NEB: variants seen among roughly 807,000 people sequenced by gnomAD.
NEB encodes the protein nemaline myopathy type 2.
Under a neutral mutation model 952.2 loss-of-function variants are expected in NEB, and 512 were observed. The ratio of observed to expected loss-of-function variants is 0.54; its 90% CI spans 0.50 to 0.58. The LOEUF (loss-of-function observed/expected upper bound fraction) is 0.58. Among genes scored for constraint, NEB ranks in the 20% least tolerant of loss-of-function variants. NEB has a pLI of 0.00. For missense variants in NEB, 8,428 were observed against 9,231.1 expected (o/e 0.91, Z 3.56); for synonymous variants, 2,900 against 3,149.8 (o/e 0.92, Z 2.66).
At position 151,687,746 on chromosome 2, in the gene NEB, A is replaced by T. The variant is rs1309356075; in HGVS notation, c.2416-13T>A. On this transcript the variant is annotated splice_polypyrimidine_tract_variant and intron_variant, in intron 25 of 181. Transcript: ENST00000397345. ...GCTTATAAACATTCTGGACAAGAAA[A>T]ATTCAGCAAAGGAATGATAAGAACA... 6.4e-7 allele frequency: 1 copy of T among 1,563,560 alleles called. No individual in the cohort carries two copies.
At position 151,546,362 on chromosome 2, in the gene NEB, G is replaced by A; in HGVS notation, c.20449C>T (p.His6817Tyr). The A allele has an allele frequency of 6.2e-7, 1 of 1,612,620 alleles. No homozygotes were observed. Among genetic ancestry groups the A allele is most frequent in the South Asian group, 1.1e-5 (1 of 90,876 alleles). ...GCACTCACCCAGAGCTTCCGCAGGT[G>A]CCGGGAGCGGACCATGTCAGGAGTG... ...YDTPDMVRSRHLRKLWSNYLY... is the reference protein window; with the variant it reads ...YDTPDMVRSRYLRKLWSNYLY... Residue 6817 changes from histidine (H) to tyrosine (Y), a missense_variant, in exon 134 of 182, where the codon CAC becomes TAC. By Grantham distance (83) the His-to-Tyr change is moderately conservative. Transcript: ENST00000397345.
chr2:151,491,874 A>G, intron 178 of NEB, 99 bp from the exon 179 acceptor site: 1 of 1,071,248 alleles, frequency 9.3e-7, no homozygotes, highest in Non-Finnish European at 1.4e-6. Context: ...GGATTGAATC[A>G]CACTTATTCC....
chr2:151,665,629 A>C, intron 41 of NEB, 90 bp from the exon 42 acceptor site: 1 of 1,158,050 alleles, frequency 8.6e-7, no homozygotes, highest in Non-Finnish European at 1.2e-6. Context: ...AAAAAGAAAA[A>C]GAGAAGCTGG....
At chr2:151,552,458 G>T (rs971177664) in intron 128 of NEB, among the ~76,000 whole-genome samples, 2 of 152,072 alleles carry the variant, frequency 1.3e-5, no homozygotes, top group Non-Finnish European at 1.5e-5. Context: ...TCATAGACTC[G>T]CATCACCTAC....
intron 60 of NEB, among the ~76,000 whole-genome samples, chr2:151,641,220 T>G (rs1326287713): frequency 6.6e-6 from 1 of 152,236 alleles, no homozygotes; most frequent in East Asian, 1.9e-4. Flanking sequence ...TGTGTGAGAA[T>G]ATAATTAGAA....
At chr2:151,663,272 C>T (rs116667161) in intron 45 of NEB, among the ~76,000 whole-genome samples, 1 of 152,226 alleles carries the variant, frequency 6.6e-6, no homozygotes, top group African/African-American at 2.4e-5. Context: ...ATATTCCTTT[C>T]AATACACTCT....
At chr2:151,670,303 C>T (rs942211756) in intron 38 of NEB, among the ~76,000 whole-genome samples, 3 of 152,192 alleles carry the variant, frequency 2.0e-5, no homozygotes, top group African/African-American at 7.2e-5. Flanking sequence ...TACAAAAAGT[C>T]TTTCTTTGCT....
At chr2:151,493,097 C>G (rs898616176) in intron 176 of NEB, 1 of 399,930 alleles carries the variant, frequency 2.5e-6, no homozygotes. Flanking sequence ...GGAAGGAAAA[C>G]ATTGGCAATT....
At position 151,491,696 on chromosome 2, in the gene NEB, TA is replaced by T; in HGVS notation, c.25136del (p.Leu8379TyrfsTer3). 1.9e-6 allele frequency: 3 copies of T among 1,593,626 alleles called. No homozygotes were observed. Among genetic ancestry groups the T allele is most frequent in the South Asian group, 2.3e-5 (2 of 87,390 alleles). ...CAGCTAACACACCATTAATCATGTGTAAGCTTCGGGACTGGATGTTGTCTTC... is the reference window on the plus strand; with the variant it reads ...CAGCTAACACACCATTAATCATGTGTAGCTTCGGGACTGGATGTTGTCTTC... ...PAEDNIQSRSLHMINVQAQRR... is the reference protein window; with the variant it reads ...PAEDNIQSRSXHMINVQAQRR... On this transcript the variant is annotated frameshift_variant, in exon 179 of 182. Transcript: ENST00000397345. LOFTEE classifies it high-confidence loss of function.
At chr2:151,691,335 C>T (rs1158011405) in intron 23 of NEB, among the ~76,000 whole-genome samples, 1 of 152,212 alleles carries the variant, frequency 6.6e-6, no homozygotes, top group Non-Finnish European at 1.5e-5. Context: ...TCCTTGACCA[C>T]CCAACCTAAG....
chr2:151,662,797 T>C (rs1023773516), intron 45 of NEB, among the ~76,000 whole-genome samples: 41 of 152,184 alleles, frequency 2.7e-4, no homozygotes, highest in African/African-American at 7.2e-4. Flanking sequence ...TACAATTCCC[T>C]CAGGTATGCC....
chr2:151,500,575 A>AATAAG (rs2063667206), intron 168 of NEB, among the ~76,000 whole-genome samples: 1 of 151,014 alleles, frequency 6.6e-6, no homozygotes, highest in African/African-American at 2.4e-5. Flanking sequence ...TAAGTATCAA[A>AATAAG]ATAAGATTTC....
Position 151,669,097 on chromosome 2 carries a change from T to C in NEB, c.4541A>G (p.His1514Arg). The change falls in exon 39 of 182, where the codon CAC (histidine) becomes CGC (arginine). Residue 1514 changes from histidine (H) to arginine (R), a missense_variant. Around this residue, in one of 11 missense-constraint regions of NEB, gnomAD observed 2,851 missense variants for 2,791.5 expected, o/e 1.02. Transcript: ENST00000397345. ...CAATTCAGGGTCAATAGTATACTTG[T>C]GCTTCAGTTTCTCTCCCTCTACCTT... ...NYKVEGEKLK[H>R]KYTIDPELPQ... is the part of the protein sequence containing the mutation. The C allele has an allele frequency of 6.3e-7, 1 of 1,590,012 alleles. No individual in the cohort carries two copies. The highest frequency in any genetic ancestry group is 8.6e-7 in the Non-Finnish European group (1 of 1,166,684).
At position 151,709,660 on chromosome 2, in the gene NEB, C is replaced by T. The variant is rs1224318643; in HGVS notation, c.1031G>A (p.Ser344Asn). The T allele has an allele frequency of 5.7e-6, 9 of 1,586,498 alleles. No individual in the cohort carries two copies. Among genetic ancestry groups the T allele is most frequent in the Non-Finnish European group, 7.7e-6 (9 of 1,163,612 alleles). The change falls in exon 12 of 182, where the codon AGC becomes AAC. Residue 344 changes from serine (S) to asparagine (N), a missense_variant. Ser to Asn is a conservative substitution (Grantham distance 46). Transcript: ENST00000397345. ...AATGGGATGATTTCCTCATACCTTG[C>T]TAGCTGCCACACCAGCTTTTTTATT... Reference protein sequence around the residue: ...KMNKKAGVAASKVKYKEDYEK... With the variant: ...KMNKKAGVAANKVKYKEDYEK...
At chr2:151,576,766 C>T (rs1009495182) in intron 105 of NEB, among the ~76,000 whole-genome samples, 5 of 151,726 alleles carry the variant, frequency 3.3e-5, no homozygotes, top group African/African-American at 9.7e-5. Flanking sequence ...AACCCCTGAC[C>T]TCAGGTGATC....
rs1479537732 is a variant in NEB, at chr2:151,656,341, T to G, written c.6307A>C (p.Lys2103Gln). The G allele has an allele frequency of 6.2e-7, 1 of 1,613,576 alleles. No individual in the cohort carries two copies. Among genetic ancestry groups the G allele is most frequent in the Non-Finnish European group, 8.5e-7 (1 of 1,179,732 alleles). Residue 2103 changes from lysine (K) to glutamine (Q), a missense_variant, in exon 49 of 182, where the codon AAG (lysine) becomes CAG (glutamine). By Grantham distance (53) the Lys-to-Gln change is moderately conservative. Coordinates refer to ENST00000397345, the MANE Select transcript of NEB (RefSeq NM_001164508.2). The stretch of plus-strand genomic sequence containing the variant: ...GTCTTTGTGTTCTCATAGTTTTTCT[T>G]GTACTCCCGATCAGATTGCATCTTA... ...VAKMQSDREY[K>Q]KNYENTKTSY...
intron 71 of NEB, among the ~76,000 whole-genome samples, chr2:151,623,216 T>TCCTCTTTTAAGAGGAAAA (rs1281148043): frequency 6.6e-6 from 1 of 152,176 alleles, no homozygotes; most frequent in African/African-American, 2.4e-5. Context: ...TTTCCCCCTT[T>TCCTCTTTTAAGAGGAAAA]CCTCTTTTAA....
Position 151,716,142 on chromosome 2 carries a change from CT to C in NEB, c.822+1273del, listed in dbSNP as rs199738417. The C allele has an allele frequency of 4.6e-3, 1,766 of 386,714 alleles. 23 individuals carry two copies. The East Asian group carries it at 0.066, about 15-fold the overall frequency. The allele number at this position is 386,714 out of a possible 1,614,324, so 24.0% of individuals were successfully genotyped here. On this transcript the variant is annotated intron_variant, in intron 10 of 181. Coordinates refer to ENST00000397345, the MANE Select transcript of NEB (RefSeq NM_001164508.2). ...CAACACTTTCTTTCTTTTTTTTTTT[CT>C]TTTTTTCTCTTTTTGAGACAGTTTC...
At chr2:151,640,262 G>T (rs1219369754) in intron 61 of NEB, 93 bp downstream of exon 61, 5 of 1,547,942 alleles carry the variant, frequency 3.2e-6, no homozygotes, top group Non-Finnish European at 4.4e-6. Flanking sequence ...CTCCTCCAGG[G>T]GCTGGTGAGC....
Sources: gnomAD v4.1 joint callset for allele counts (sites outside exome capture counted in the v4.1 genomes callset) on GRCh38, gnomAD v4.1.1 for gene constraint, gnomAD v4.1.1 regional missense constraint, MANE v1.5 for transcripts, NCBI Gene and HGNC (gene_info 2026-07-23, HGNC 2026-07-21) for gene names.